TRIOBP: variants seen among roughly 807,000 people sequenced by gnomAD.
TRIOBP encodes TRIO and F-actin binding protein.
Under a neutral mutation model 238.8 loss-of-function variants are expected in TRIOBP, and 169 were observed. The ratio of observed to expected loss-of-function variants is 0.71; its 90% CI spans 0.62 to 0.80. The LOEUF is 0.80. Among genes scored for constraint, TRIOBP ranks in the 30% least tolerant of loss-of-function variants. TRIOBP has a pLI of 0.00. For missense variants in TRIOBP, 2,838 were observed against 3,122.6 expected, an observed-to-expected ratio of 0.91 and a Z score of 2.17; for synonymous variants, 1,150 against 1,274.4, an observed-to-expected ratio of 0.90 and a Z score of 2.08.
At chr22:37,730,014 GTCACA>G (rs1924349007) in intron 7 of TRIOBP, among the ~76,000 whole-genome samples, 2 of 152,152 alleles carry the variant, frequency 1.3e-5, no homozygotes, top group Non-Finnish European at 2.9e-5. Context: ...TTAAAGGGTT[GTCACA>G]TCAAAGCATT....
rs781333863 is a variant in TRIOBP, at chr22:37,772,608, G to A, written c.6944G>A (p.Arg2315His). The change falls in exon 23 of 24, where the codon CGC becomes CAC. Residue 2315 changes from arginine (R) to histidine (H), a missense_variant. Transcript: ENST00000644935. ...DELQMMQKDKRFTSGKYQDVY... is the reference protein window; with the variant it reads ...DELQMMQKDKHFTSGKYQDVY... ...CTGCCTCCTGCCCCCCAGGACAAGC[G>A]CTTCACCTCGGGAAAGTACCAGGAC... The A allele has an allele frequency of 1.1e-5, 17 of 1,614,080 alleles. No individual in the cohort carries two copies. Among genetic ancestry groups the A allele is most frequent in the East Asian group, 4.5e-5 (2 of 44,872 alleles).
At chr22:37,710,600 A>G in intron 4 of TRIOBP, 34 bp downstream of exon 4, 2 of 1,594,492 alleles carry the variant, frequency 1.3e-6, no homozygotes, top group Middle Eastern at 1.7e-4. Context: ...GAAGGGCTTC[A>G]TGGGGTGGAA....
At position 37,740,903 on chromosome 22, in the gene TRIOBP, G is replaced by A. The variant is rs1207596715; in HGVS notation, c.5193G>A (p.Lys1731=). Residue 1731 remains lysine (K), a synonymous_variant, in exon 11 of 24, where the codon AAG becomes AAA. Coordinates refer to ENST00000644935, the MANE Select transcript of TRIOBP (RefSeq NM_001039141.3). The part of the protein sequence containing the change: ...TDQKQADSAD[K]RPAEGKAGSP... ...TGGACCCTGTTTGACAGGCAGACAAGAGGCCAGCAGAGGGCAAGGCTGGGA... is the reference window on the plus strand; with the variant it reads ...TGGACCCTGTTTGACAGGCAGACAAAAGGCCAGCAGAGGGCAAGGCTGGGA... 4 of 1,573,446 alleles carry A rather than the reference G, an allele frequency of 2.5e-6. No individual in the cohort carries two copies. Among genetic ancestry groups the A allele is most frequent in the Non-Finnish European group, 2.6e-6 (3 of 1,159,358 alleles).
chr22:37,720,170 C>T (rs1379932324), intron 6 of TRIOBP, among the ~76,000 whole-genome samples: 16 of 151,740 alleles, frequency 1.1e-4, no homozygotes, highest in Admixed American at 3.9e-4. Flanking sequence ...CCACCACGCC[C>T]GGCTAATTTT....
chr22:37,763,748 C>G (rs1457549786), intron 17 of TRIOBP, among the ~76,000 whole-genome samples: 7 of 152,216 alleles, frequency 4.6e-5, no homozygotes, highest in African/African-American at 1.4e-4. Context: ...GCCTGCCTAT[C>G]AGTTTCTGGT....
intron 11 of TRIOBP, among the ~76,000 whole-genome samples, chr22:37,746,935 C>T (rs547602137): frequency 2.4e-4 from 36 of 152,222 alleles, no homozygotes; most frequent in African/African-American, 8.7e-4. Flanking sequence ...GTGGCCGGAC[C>T]GCCCCACCCA....
At chr22:37,717,666 G>T in intron 6 of TRIOBP, among the ~76,000 whole-genome samples, 1 of 152,226 alleles carries the variant, frequency 6.6e-6, no homozygotes, top group East Asian at 1.9e-4. Flanking sequence ...TGATTGGTGT[G>T]TTTACAAACC....
chr22:37,699,363 C>G (rs1016696849), intron 2 of TRIOBP, among the ~76,000 whole-genome samples: 5 of 152,066 alleles, frequency 3.3e-5, no homozygotes, highest in African/African-American at 1.2e-4. Context: ...TCACTTCCAC[C>G]TCCGAGAGAG....
chr22:37,736,233 T>C (rs1924661955), intron 9 of TRIOBP, among the ~76,000 whole-genome samples: 2 of 152,214 alleles, frequency 1.3e-5, no homozygotes, highest in South Asian at 4.1e-4. Flanking sequence ...GCCAGAATCC[T>C]GCACCCTGGC....
chr22:37,750,271 T>C (rs1258854975), intron 11 of TRIOBP, among the ~76,000 whole-genome samples: 24 of 152,250 alleles, frequency 1.6e-4, no homozygotes, highest in Non-Finnish European at 1.5e-5. Context: ...CCAGGGACTT[T>C]CGCCTGGGAC....
At position 37,735,099 on chromosome 22, in the gene TRIOBP, TCC is replaced by T. The variant is rs1485894624; in HGVS notation, c.4764_4765del (p.Leu1589AlafsTer15). The T allele has an allele frequency of 6.2e-7, 1 of 1,606,886 alleles. No individual in the cohort carries two copies. Among genetic ancestry groups the T allele is most frequent in the South Asian group, 1.1e-5 (1 of 90,960 alleles). ...CTGGACTGGGAGGGCCTCTTGGAGC[TCC>T]TGCAGGCCAGGCTGCCCCGCAAGGA... On this transcript the variant is annotated frameshift_variant, in exon 9 of 24. Coordinates refer to ENST00000644935, the MANE Select transcript of TRIOBP (RefSeq NM_001039141.3). LOFTEE classifies it high-confidence loss of function.
chr22:37,750,729 C>T (rs557100166), intron 11 of TRIOBP: 41 of 471,068 alleles, frequency 8.7e-5, no homozygotes, highest in African/African-American at 5.8e-4. Context: ...TCCCAAGCCC[C>T]GGTTGGTCCA....
At chr22:37,739,889 C>G (rs1924852848) in intron 10 of TRIOBP, among the ~76,000 whole-genome samples, 1 of 152,218 alleles carries the variant, frequency 6.6e-6, no homozygotes, top group Admixed American at 6.5e-5. Flanking sequence ...ACGGGCCCGG[C>G]CCATCAACGT....
At chr22:37,702,303 C>T (rs1922693767) in intron 3 of TRIOBP, among the ~76,000 whole-genome samples, 1 of 151,994 alleles carries the variant, frequency 6.6e-6, no homozygotes, top group African/African-American at 2.4e-5. Context: ...CTCCTAGGTT[C>T]AAGCGATCCT....
chr22:37,731,380 A>G (rs2145839742), intron 7 of TRIOBP, among the ~76,000 whole-genome samples: 1 of 151,900 alleles, frequency 6.6e-6, no homozygotes, highest in South Asian at 2.1e-4. Flanking sequence ...GACTCAAGTG[A>G]TCCTCTGACC....
intron 4 of TRIOBP, among the ~76,000 whole-genome samples, chr22:37,711,836 C>T (rs1026342342): frequency 6.6e-5 from 10 of 151,884 alleles, no homozygotes; most frequent in African/African-American, 2.4e-4. Context: ...ATCGTGTAGG[C>T]CAGTCTGTGG....
Position 37,725,562 on chromosome 22 carries a change from T to C in TRIOBP, c.3006T>C (p.Ala1002=). Residue 1002 remains alanine, a synonymous_variant, in exon 7 of 24, where the codon GCT becomes GCC. Transcript: ENST00000644935. Reference sequence around the variant, plus strand: ...CTGTGTACCCCGCTGCCTATGGGGCTCCCCTGACCTCTCCTGAGCCCTCCC... The same window carrying C: ...CTGTGTACCCCGCTGCCTATGGGGCCCCCCTGACCTCTCCTGAGCCCTCCC... ...SSPVYPAAYG[A]PLTSPEPSQP... 1 of 1,613,240 alleles carries C rather than the reference T, an allele frequency of 6.2e-7. No individual in the cohort carries two copies. Among genetic ancestry groups the C allele is most frequent in the East Asian group, 2.2e-5 (1 of 44,832 alleles).
chr22:37,751,434 T>A, intron 11 of TRIOBP: 1 of 408,516 alleles, frequency 2.4e-6, no homozygotes, highest in Non-Finnish European at 4.7e-6. Flanking sequence ...TCAGGGGGTC[T>A]CTATGCAGGC....
rs1307595747 is a variant in TRIOBP, at chr22:37,715,646, G to C, written c.457-117G>C. 8 of 1,241,560 alleles carry C rather than the reference G, an allele frequency of 6.4e-6. No individual in the cohort carries two copies. In the Admixed American group the frequency reaches 1.6e-4, roughly 25 times the overall value. The allele number at this position is 1,241,560 out of a possible 1,614,324, so 76.9% of individuals were successfully genotyped here. On this transcript the variant is annotated intron_variant, in intron 5 of 23. Coordinates refer to ENST00000644935, the MANE Select transcript of TRIOBP (RefSeq NM_001039141.3). ...GCGTGAGCCACAGCGCCTGGCCAGG[G>C]AAGTGCTTTTTAATGCCAATTCCCT... is the stretch of plus-strand genomic sequence containing the variant.
Sources: allele counts gnomAD v4.1 joint callset (sites outside exome capture counted in the v4.1 genomes callset), GRCh38; gene constraint gnomAD v4.1.1; transcripts MANE v1.5; gene names NCBI Gene and HGNC (gene_info 2026-07-23, HGNC 2026-07-21).